CCDC148: variants seen among roughly 807,000 people sequenced by gnomAD.
CCDC148 encodes the protein coiled-coil domain-containing protein 148.
CCDC148 carries 89 observed loss-of-function variants against 85.7 expected under a neutral mutation model. The ratio of observed to expected loss-of-function variants is 1.04; its 90% CI spans 0.87 to 1.24. CCDC148 has a LOEUF of 1.24. CCDC148 is among the 50% of genes most tolerant of loss of function. CCDC148 has a pLI of 0.00. For missense variants in CCDC148, 692 were observed against 671.7 expected, an observed-to-expected ratio of 1.03 and a Z score of -0.33; for synonymous variants, 230 against 213.9, an observed-to-expected ratio of 1.08 and a Z score of -0.66.
chr2:158,371,288 A>G (rs1684430005), intron 1 of CCDC148, among the ~76,000 whole-genome samples: 1 of 152,066 alleles, frequency 6.6e-6, no homozygotes, highest in South Asian at 2.1e-4. Context: ...CACTGTATAG[A>G]ACTTTAAAAT....
intron 7 of CCDC148, among the ~76,000 whole-genome samples, chr2:158,323,047 ACAAG>A (rs1407700899): frequency 6.6e-6 from 1 of 152,332 alleles, no homozygotes; most frequent in East Asian, 1.9e-4. Context: ...TGAGTCTCAA[ACAAG>A]CAATTAAACT....
chr2:158,436,282 G>A (rs757674329), intron 1 of CCDC148, among the ~76,000 whole-genome samples: 14 of 151,922 alleles, frequency 9.2e-5, no homozygotes, highest in African/African-American at 2.2e-4. Context: ...ACTGTCTCTC[G>A]GACCACAGTG....
At chr2:158,376,068 G>T (rs1243225126) in intron 1 of CCDC148, among the ~76,000 whole-genome samples, 1 of 152,096 alleles carries the variant, frequency 6.6e-6, no homozygotes, top group Non-Finnish European at 1.5e-5. Context: ...AGATTCTGAT[G>T]TCTCTGTACA....
chr2:158,221,500 T>C (rs925914486), intron 10 of CCDC148, among the ~76,000 whole-genome samples: 2 of 152,212 alleles, frequency 1.3e-5, no homozygotes, highest in African/African-American at 4.8e-5. Flanking sequence ...ATGTTGTGCC[T>C]GAGTCAAGAG....
intron 11 of CCDC148, among the ~76,000 whole-genome samples, chr2:158,191,023 T>C (rs766212990): frequency 4.6e-5 from 7 of 152,024 alleles, no homozygotes; most frequent in Non-Finnish European, 8.8e-5. Context: ...TCTAGTTCTA[T>C]CTATTTTTAA....
intron 9 of CCDC148, among the ~76,000 whole-genome samples, chr2:158,264,372 A>G (rs921614756): frequency 6.6e-6 from 1 of 152,136 alleles, no homozygotes; most frequent in African/African-American, 2.4e-5. Flanking sequence ...TGTGATTCTC[A>G]AACAAAAATC....
At chr2:158,357,349 G>C (rs1683713679) in intron 2 of CCDC148, among the ~76,000 whole-genome samples, 1 of 151,976 alleles carries the variant, frequency 6.6e-6, no homozygotes, top group Non-Finnish European at 1.5e-5. Flanking sequence ...CAAATAGTAG[G>C]CACATAATAA....
chr2:158,430,219 A>T (rs950394597), intron 1 of CCDC148, among the ~76,000 whole-genome samples: 7 of 152,164 alleles, frequency 4.6e-5, no homozygotes, highest in African/African-American at 1.7e-4. Flanking sequence ...CATTCACAGT[A>T]GGGACCTCAG....
intron 1 of CCDC148, among the ~76,000 whole-genome samples, chr2:158,398,098 C>A (rs1685610196): frequency 6.6e-6 from 1 of 151,952 alleles, no homozygotes; most frequent in African/African-American, 2.4e-5. Flanking sequence ...ATATATACAC[C>A]CAATACAGGA....
chr2:158,286,928 C>G (rs1206064790), intron 9 of CCDC148, among the ~76,000 whole-genome samples: 1 of 152,006 alleles, frequency 6.6e-6, no homozygotes, highest in African/African-American at 2.4e-5. Context: ...CGTTTTCATG[C>G]TGCTGATAAA....
intron 11 of CCDC148, 106 bp downstream of exon 11, chr2:158,220,489 A>C (rs1197507736): frequency 4.2e-6 from 3 of 708,392 alleles, no homozygotes; most frequent in Non-Finnish European, 7.2e-6. Context: ...TTGAAAGGAT[A>C]CATTAAGTAT....
intron 9 of CCDC148, among the ~76,000 whole-genome samples, chr2:158,286,169 C>T (rs963676106): frequency 4.0e-5 from 6 of 151,880 alleles, no homozygotes; most frequent in Admixed American, 1.3e-4. Flanking sequence ...AAATAAGACA[C>T]AGTTTTTTTA....
At chr2:158,409,307 C>A (rs1306297561) in intron 1 of CCDC148, among the ~76,000 whole-genome samples, 2 of 152,186 alleles carry the variant, frequency 1.3e-5, no homozygotes, top group African/African-American at 4.8e-5. Flanking sequence ...CACTAAACGA[C>A]AGCCCATGAA....
At chr2:158,184,181 TG>T (rs1165864850) in intron 11 of CCDC148, among the ~76,000 whole-genome samples, 2 of 152,032 alleles carry the variant, frequency 1.3e-5, no homozygotes, top group Admixed American at 1.3e-4. Flanking sequence ...ACTGACATCC[TG>T]GTACAGATTG....
chr2:158,313,857 G>A lies in CCDC148; in HGVS notation c.802C>T (p.Gln268Ter). ...CCAGGGTACTGATCCAAAATAGCCT[G>A]GTAAATCCAGTGGTCTTCTTCACTT... ...QLSEEDHWIY[Q>*]AILDQYPGDL... Residue 268 changes from glutamine (Q) to a stop codon, truncating the protein, a stop_gained, in exon 8 of 14, where the codon CAG (glutamine) becomes TAG (stop). Transcript: ENST00000283233. LOFTEE classifies it high-confidence loss of function. 2 of 1,613,662 alleles carry A rather than the reference G, an allele frequency of 1.2e-6. No homozygotes were observed. Among genetic ancestry groups the A allele is most frequent in the East Asian group, 4.5e-5 (2 of 44,814 alleles).
chr2:158,434,615 G>A (rs537522696), intron 1 of CCDC148, among the ~76,000 whole-genome samples: 29 of 152,194 alleles, frequency 1.9e-4, no homozygotes, highest in East Asian at 1.9e-4. Flanking sequence ...AAAGCTGGAC[G>A]GAGAATGAAT....
intron 7 of CCDC148, among the ~76,000 whole-genome samples, chr2:158,328,368 G>A (rs1048488147): frequency 1.3e-5 from 2 of 152,064 alleles, no homozygotes; most frequent in African/African-American, 2.4e-5. Context: ...GCTGCATAGT[G>A]TTCCATGGTG....
chr2:158,295,881 T>C (rs1370630302), intron 9 of CCDC148, among the ~76,000 whole-genome samples: 3 of 151,976 alleles, frequency 2.0e-5, no homozygotes, highest in African/African-American at 7.3e-5. Flanking sequence ...CCAGGGCAAT[T>C]AGTCAGGAGA....
intron 10 of CCDC148, among the ~76,000 whole-genome samples, chr2:158,223,921 C>A (rs1312553133): frequency 3.3e-5 from 5 of 152,258 alleles, no homozygotes; most frequent in African/African-American, 1.2e-4. Context: ...GCCTCTCCTT[C>A]TCCAAAGGAA....
Sources: gnomAD v4.1 joint callset for allele counts (sites outside exome capture counted in the v4.1 genomes callset) on GRCh38, gnomAD v4.1.1 for gene constraint, MANE v1.5 for transcripts, NCBI Gene and HGNC (gene_info 2026-07-23, HGNC 2026-07-21) for gene names.